ZNF215: variants seen among roughly 807,000 people sequenced by gnomAD.
The protein encoded by ZNF215 is BWSCR2-associated zinc finger protein 2.
Under a neutral mutation model 27.2 loss-of-function variants are expected in ZNF215, and 24 were observed. The ratio of observed to expected loss-of-function variants is 0.88; its 90% CI spans 0.64 to 1.24. The LOEUF (loss-of-function observed/expected upper bound fraction) is 1.24, where lower values mean the gene tolerates loss of function less well. ZNF215 is among the 50% of genes most tolerant of loss of function. The pLI is 0.00. For missense variants in ZNF215, 675 were observed against 605.7 expected (o/e 1.11, Z -1.20); for synonymous variants, 210 against 204.0 (o/e 1.03, Z -0.25).
chr11:6,932,727 A>C, intron 3 of ZNF215, 55 bp downstream of exon 3: 15 of 1,513,558 alleles, frequency 9.9e-6, no homozygotes, highest in Non-Finnish European at 1.2e-5. Context: ...ATGTAAAGAG[A>C]AATTATCTTT....
chr11:6,954,174 G>A (rs549921421), intron 6 of ZNF215, among the ~76,000 whole-genome samples: 94 of 142,354 alleles, frequency 6.6e-4, no homozygotes, highest in South Asian at 2.5e-3. Flanking sequence ...TAGGCTGCTC[G>A]GGGGTCAGGG....
At chr11:6,949,200 A>G (rs1220986215) in intron 6 of ZNF215, among the ~76,000 whole-genome samples, 1 of 152,002 alleles carries the variant, frequency 6.6e-6, no homozygotes, top group African/African-American at 2.4e-5. Context: ...ATAGTGCCTC[A>G]ATAAACATAC....
chr11:6,940,924 G>A (rs1023691460), intron 3 of ZNF215, among the ~76,000 whole-genome samples: 3 of 152,004 alleles, frequency 2.0e-5, no homozygotes, highest in South Asian at 2.1e-4. Context: ...TTATTTCACC[G>A]TGAATCAGTG....
intron 6 of ZNF215, among the ~76,000 whole-genome samples, chr11:6,951,858 C>G (rs1170231607): frequency 2.0e-5 from 3 of 152,000 alleles, no homozygotes; most frequent in East Asian, 1.9e-4. Flanking sequence ...CCTGCTTTCT[C>G]TTGTGGGCAT....
intron 3 of ZNF215, among the ~76,000 whole-genome samples, chr11:6,937,958 G>C (rs1214908680): frequency 6.6e-6 from 1 of 151,692 alleles, no homozygotes; most frequent in Non-Finnish European, 1.5e-5. Flanking sequence ...GCTTAGCTAT[G>C]ACACCAAAGA....
chr11:6,972,264 A>G (rs1850733005), intron 5 of ZNF215, among the ~76,000 whole-genome samples: 2 of 152,084 alleles, frequency 1.3e-5, no homozygotes, highest in Non-Finnish European at 2.9e-5. Flanking sequence ...AAACTACTCA[A>G]TTTTTTACAA....
At chr11:6,994,151 G>A (rs1851151165) in intron 6 of ZNF215, among the ~76,000 whole-genome samples, 1 of 150,566 alleles carries the variant, frequency 6.6e-6, no homozygotes, top group African/African-American at 2.4e-5. Flanking sequence ...TGTGAGTTCA[G>A]TATTAACAAA....
At chr11:6,929,564 A>G (rs1481242698) in intron 2 of ZNF215, among the ~76,000 whole-genome samples, 1 of 152,170 alleles carries the variant, frequency 6.6e-6, no homozygotes, top group Non-Finnish European at 1.5e-5. Flanking sequence ...TTGGTTAAGT[A>G]TGGAGAACCA....
downstream of ZNF215, among the ~76,000 whole-genome samples, chr11:6,962,155 TTTTG>T (rs1345106429): frequency 1.3e-5 from 2 of 152,188 alleles, no homozygotes; most frequent in East Asian, 1.9e-4. Flanking sequence ...AAGGGTTTTT[TTTTG>T]TTTGTTTGCT....
chr11:6,957,836 C>G lies in ZNF215; in HGVS notation c.*1305C>G. ...TGAAGTTATTAAAGTCTCCTATACT[C>G]TGTACACCAGAACTGTGTCTTCTGT... On this transcript the variant is annotated 3_prime_UTR_variant, in exon 7 of 7. Transcript: ENST00000278319. 1 of 985,404 alleles carries G rather than the reference C, an allele frequency of 1.0e-6. No homozygotes were observed. The highest frequency in any genetic ancestry group is 1.7e-5 in the African/African-American group (1 of 57,354). 61.0% of individuals were successfully genotyped at this position (985,404 alleles called of 1,614,324 possible). A position where few individuals can be genotyped will look rare whatever the true frequency, so the allele number is the denominator to read the frequency against.
intron 4 of ZNF215, 97 bp from the exon 5 acceptor site, chr11:6,942,986 G>A (rs1282453879): frequency 6.7e-7 from 1 of 1,491,310 alleles, no homozygotes; most frequent in Non-Finnish European, 9.0e-7. Context: ...AATTTCTGGT[G>A]TATTCTGGCT....
chr11:6,954,681 G>C (rs536400488), intron 6 of ZNF215, among the ~76,000 whole-genome samples: 1 of 152,180 alleles, frequency 6.6e-6, no homozygotes, highest in Admixed American at 6.5e-5. Context: ...GACCCCTTGC[G>C]CTTCCCGAGT....
downstream of ZNF215, among the ~76,000 whole-genome samples, chr11:6,990,634 A>G (rs1263335419): frequency 6.6e-6 from 1 of 152,242 alleles, no homozygotes; most frequent in African/African-American, 2.4e-5. Context: ...AATGTTCATT[A>G]TACAATGGAA....
chr11:6,928,012 T>C (rs1849121058), intron 2 of ZNF215, among the ~76,000 whole-genome samples: 1 of 152,222 alleles, frequency 6.6e-6, no homozygotes, highest in East Asian at 1.9e-4. Flanking sequence ...TACTTTGCAG[T>C]TGTCCTTTTG....
In ZNF215 at chr11:6,976,672, GA is replaced by G. The variant is rs148146217; in HGVS notation, c.806-7456del. Among the ~76,000 whole-genome samples, 1,416 of 152,090 alleles carry G rather than the reference GA, an allele frequency of 9.3e-3. 17 individuals carry two copies. The highest frequency in any genetic ancestry group is 0.033 in the African/African-American group (1,362 of 41,524). On this transcript the variant is annotated intron_variant, in intron 5 of 5. Coordinates refer to the ZNF215 transcript ENST00000529903. ...AAATGCTTTTTGGTTCTCACCTGGA[GA>G]GGTAACTTACAGATTATTTTATTCT...
intron 6 of ZNF215, among the ~76,000 whole-genome samples, chr11:6,948,902 C>A (rs1330868863): frequency 1.9e-5 from 2 of 104,404 alleles, no homozygotes; most frequent in Non-Finnish European, 1.8e-5. Flanking sequence ...CTCCCCCCTC[C>A]CCCCACCCCA....
chr11:6,961,367 T>A (rs190191254), downstream of ZNF215, among the ~76,000 whole-genome samples: 88 of 152,098 alleles, frequency 5.8e-4, no homozygotes, highest in African/African-American at 2.0e-3. Flanking sequence ...GTAAGGCAAA[T>A]GTAAGGTGTA....
At chr11:6,950,054 G>A (rs1211166848) in intron 6 of ZNF215, among the ~76,000 whole-genome samples, 379 of 151,546 alleles carry the variant, frequency 2.5e-3, no homozygotes, top group African/African-American at 6.8e-3. Flanking sequence ...GATATGCGGC[G>A]TTATTTCTGA....
At chr11:6,967,012 C>G (rs1000211868) in intron 5 of ZNF215, among the ~76,000 whole-genome samples, 2 of 151,928 alleles carry the variant, frequency 1.3e-5, no homozygotes, top group African/African-American at 4.8e-5. Context: ...TCCCTGTGTC[C>G]ATGTGTTCTC....
Sources: gnomAD v4.1 joint callset for allele counts (sites outside exome capture counted in the v4.1 genomes callset) on GRCh38, gnomAD v4.1.1 for gene constraint, MANE v1.5 for transcripts, NCBI Gene and HGNC (gene_info 2026-07-23, HGNC 2026-07-21) for gene names.